FNDC3B: variants seen among roughly 807,000 people sequenced by gnomAD.
The protein encoded by FNDC3B is fibronectin type III domain containing 3B.
In FNDC3B, 12 loss-of-function variants were observed where a neutral mutation model predicts 151.5. The ratio of observed to expected loss-of-function variants is 0.08; its 90% confidence interval spans 0.05 to 0.13. The LOEUF is 0.13. FNDC3B is among the 10% of genes least tolerant of loss of function. The pLI is 1.00. For synonymous variants in FNDC3B, 528 were observed against 549.0 expected (o/e 0.96, Z 0.54); for missense variants, 1,214 against 1,505.3 (o/e 0.81, Z 3.20).
rs193295090 is a variant in FNDC3B at position 172,240,616 on chromosome 3, T to A, written c.265-6917T>A. Among the ~76,000 whole-genome samples, 286 of 152,316 alleles carry A rather than the reference T, an allele frequency of 1.9e-3. 7 individuals carry two copies. Among genetic ancestry groups the A allele is most frequent in the Admixed American group, 0.016 (250 of 15,304 alleles). On this transcript the variant is annotated intron_variant, in intron 4 of 25. Coordinates refer to ENST00000415807, the MANE Select transcript of FNDC3B (RefSeq NM_022763.4). ...GATGTACACACCAGTATGAAAAATC[T>A]TGGTTCTGCAGCATACCAGTTGCAC...
At chr3:172,324,159 A>G (rs576958553) in intron 11 of FNDC3B, among the ~76,000 whole-genome samples, 30 of 152,114 alleles carry the variant, frequency 2.0e-4, no homozygotes, top group African/African-American at 7.0e-4. Context: ...TACCCAATGT[A>G]TTTTTGTTTG....
At chr3:172,362,335 A>G (rs1191784060) in intron 22 of FNDC3B, among the ~76,000 whole-genome samples, 3 of 152,148 alleles carry the variant, frequency 2.0e-5, no homozygotes, top group Non-Finnish European at 4.4e-5. Context: ...CAAAATATAA[A>G]AGCGTATCTT....
rs563708440 is a variant in FNDC3B, at chr3:172,152,047, G to A, written c.187+18501G>A. Among the ~76,000 whole-genome samples, 7 of 152,136 alleles carry A rather than the reference G, an allele frequency of 4.6e-5. No individual in the cohort carries two copies. In the East Asian group the frequency reaches 1.3e-3, roughly 29 times the overall value. On this transcript the variant is annotated intron_variant, in intron 3 of 25. Coordinates refer to ENST00000415807, the MANE Select transcript of FNDC3B (RefSeq NM_022763.4). ...GATCACCAGGTTTGATGAATTGGCC[G>A]CTCACTTTAGAGGGTCTGTCAGGCT...
intron 2 of FNDC3B, among the ~76,000 whole-genome samples, chr3:172,125,614 T>G (rs1260937934): frequency 6.6e-6 from 1 of 152,204 alleles, no homozygotes; most frequent in East Asian, 1.9e-4. Context: ...GATGCAGCTT[T>G]GAGACTAAAG....
At chr3:172,265,284 C>G (rs1438366579) in intron 6 of FNDC3B, among the ~76,000 whole-genome samples, 1 of 152,008 alleles carries the variant, frequency 6.6e-6, no homozygotes, top group African/African-American at 2.4e-5. Flanking sequence ...TGTTGGTATG[C>G]TAGAATTTGT....
rs114204732 is a variant in FNDC3B, at chr3:172,261,578, G to A, written c.790+10037G>A. ...ACACAGTGTAGCAGACGCTATTACC[G>A]TATTTCAGTTTTTGGTGCTGTAGTG... On this transcript the variant is annotated intron_variant, in intron 6 of 25. Coordinates refer to ENST00000415807, the MANE Select transcript of FNDC3B (RefSeq NM_022763.4). Among the ~76,000 whole-genome samples the A allele has an allele frequency of 8.5e-3, 1,288 of 152,220 alleles. 20 individuals carry two copies. The highest frequency in any genetic ancestry group is 0.029 in the African/African-American group (1,184 of 41,524).
chr3:172,068,379 C>A lies in FNDC3B; in HGVS notation c.-29+28608C>A, dbSNP rs902444912. Among the ~76,000 whole-genome samples the A allele has an allele frequency of 4.5e-4, 68 of 151,618 alleles. 1 individual carries two copies. The highest frequency in any genetic ancestry group is 1.6e-3 in the African/African-American group (65 of 41,282). On this transcript the variant is annotated intron_variant, in intron 1 of 25. Transcript: ENST00000415807. Reference sequence around the variant, plus strand: ...TTACTTGAATTAATTTTGTAGTTCTCCTTCTGAACTGCTGAGCAAGTATTT... The same window carrying A: ...TTACTTGAATTAATTTTGTAGTTCTACTTCTGAACTGCTGAGCAAGTATTT...
intron 6 of FNDC3B, among the ~76,000 whole-genome samples, chr3:172,267,438 G>T (rs567084705): frequency 6.6e-6 from 1 of 152,178 alleles, no homozygotes; most frequent in South Asian, 2.1e-4. Context: ...TTACAGGTGT[G>T]AGCCACCATG....
At position 172,379,295 on chromosome 3, in the gene FNDC3B, C is replaced by A. The variant is rs1017134243; in HGVS notation, c.3175+859C>A. On this transcript the variant is annotated intron_variant, in intron 24 of 25. Transcript: ENST00000415807. ...GGGACAGACAGCACAAGTGGCTTAT[C>A]GAGCTATTGCTCAAAATAACCCTAA... 1.3e-5 allele frequency among the ~76,000 whole-genome samples: 2 copies of A among 152,216 alleles called. 1 individual carries two copies. Among genetic ancestry groups the A allele is most frequent in the African/African-American group, 4.8e-5 (2 of 41,450 alleles).
At chr3:172,192,200 T>A (rs568812270) in intron 3 of FNDC3B, among the ~76,000 whole-genome samples, 1 of 135,580 alleles carries the variant, frequency 7.4e-6, no homozygotes, top group African/African-American at 2.8e-5. Flanking sequence ...TGAGAGGGAG[T>A]CTTGCTCTGT....
At chr3:172,290,269 T>A (rs1418899558) in intron 7 of FNDC3B, among the ~76,000 whole-genome samples, 4 of 152,200 alleles carry the variant, frequency 2.6e-5, no homozygotes, top group African/African-American at 9.7e-5. Flanking sequence ...AGCAAGTCTT[T>A]TACTCTTCAG....
intron 3 of FNDC3B, among the ~76,000 whole-genome samples, chr3:172,206,659 CAAAAAAAAAAAAAA>C (rs57377409): frequency 5.5e-5 from 3 of 54,480 alleles, no homozygotes; most frequent in Non-Finnish European, 9.7e-5. Context: ...AACTCCATCT[CAAAAAAAAAAAAAA>C]AAAAAAAAAA....
At chr3:172,278,996 A>G (rs1729569312) in intron 6 of FNDC3B, among the ~76,000 whole-genome samples, 1 of 152,204 alleles carries the variant, frequency 6.6e-6, no homozygotes. Context: ...TGATTTTTAC[A>G]TTGTGAAATG....
chr3:172,083,308 A>T (rs1379995588), intron 1 of FNDC3B, among the ~76,000 whole-genome samples: 2 of 152,246 alleles, frequency 1.3e-5, no homozygotes, highest in African/African-American at 2.4e-5. Context: ...TCCATGTCCC[A>T]CAGGGGTGAT....
intron 3 of FNDC3B, among the ~76,000 whole-genome samples, chr3:172,154,278 C>A (rs925515081): frequency 7.9e-5 from 12 of 151,978 alleles, no homozygotes; most frequent in Non-Finnish European, 1.8e-4. Context: ...TGCAATGTTG[C>A]AATCTTGGTG....
In FNDC3B at chr3:172,340,286, C is replaced by CT. The variant is rs71635723; in HGVS notation, c.1853-808dup. On this transcript the variant is annotated intron_variant, in intron 16 of 25. Transcript: ENST00000415807. The stretch of plus-strand genomic sequence containing the variant: ...TTGTCACCCCCGTAGGCATTTTTGT[C>CT]TTTTTTTTTTTTTTTTTTTGAGAGA... 1.0e-4 allele frequency among the ~76,000 whole-genome samples: 13 copies of CT among 125,564 alleles called. No homozygotes were observed. The Middle Eastern group carries it at 0.017, about 167-fold the overall frequency. The allele number at this position is 125,564 out of a possible 152,430, so 82.4% of individuals were successfully genotyped here.
intron 8 of FNDC3B, 52 bp downstream of exon 8, chr3:172,295,566 T>G (rs1407385278): frequency 6.4e-7 from 1 of 1,560,794 alleles, no homozygotes; most frequent in Non-Finnish European, 8.7e-7. Flanking sequence ...AAAATTGGAG[T>G]TGTGAAGGAA....
chr3:172,335,601 G>T (rs985774718), intron 15 of FNDC3B: 1 of 152,122 alleles, frequency 6.6e-6, no homozygotes, highest in South Asian at 2.1e-4. Flanking sequence ...ATTGGTGTTT[G>T]TTGTATAAAG....
intron 9 of FNDC3B, among the ~76,000 whole-genome samples, chr3:172,300,391 A>G (rs62283203): frequency 0.012 from 1,782 of 152,240 alleles, 18 homozygotes; most frequent in South Asian, 0.027. Flanking sequence ...TGAGCTTACA[A>G]TATCCTTTTT....
Sources: allele counts gnomAD v4.1 joint callset (sites outside exome capture counted in the v4.1 genomes callset), GRCh38; gene constraint gnomAD v4.1.1; transcripts MANE v1.5; gene names NCBI Gene and HGNC (gene_info 2026-07-23, HGNC 2026-07-21).